Variants in ZNF365 observed in about 807,000 individuals in gnomAD.
ZNF365 encodes the protein protein ZNF365.
ZNF365 carries 22 observed loss-of-function variants against 35.0 expected under a neutral mutation model. The ratio of observed to expected loss-of-function variants is 0.63; its 90% CI spans 0.45 to 0.90. The LOEUF is 0.90. Among genes scored for constraint, ZNF365 ranks in the 40% least tolerant of loss-of-function variants. The pLI, the probability that ZNF365 is intolerant of heterozygous loss-of-function variation, is 0.00. For synonymous variants in ZNF365, 188 were observed against 196.2 expected, an observed-to-expected ratio of 0.96 and a Z score of 0.35; for missense variants, 448 against 500.3, an observed-to-expected ratio of 0.90 and a Z score of 1.00.
In ZNF365 at chr10:62,396,439, G is replaced by C. The variant is rs559908005; in HGVS notation, c.925-2301G>C. 1.1e-4 allele frequency among the ~76,000 whole-genome samples: 16 copies of C among 152,310 alleles called. No individual in the cohort carries two copies. The East Asian group carries it at 1.7e-3, about 17-fold the overall frequency. ...ATGATGCTTACCTCCTAGGGCTGCT[G>C]TGAGGGTTAATTCTGCCTGTTCTGT... On this transcript the variant is annotated intron_variant, in intron 3 of 4. Transcript: ENST00000395254.
chr10:62,461,518 C>G (rs1420716172), intron 4 of ZNF365, among the ~76,000 whole-genome samples: 1 of 152,190 alleles, frequency 6.6e-6, no homozygotes, highest in African/African-American at 2.4e-5. Context: ...CTTTCCTGAC[C>G]GTGTTCCGCA....
chr10:62,406,276 A>G (rs1589439290), downstream of ZNF365, among the ~76,000 whole-genome samples: 1 of 151,986 alleles, frequency 6.6e-6, no homozygotes, highest in East Asian at 1.9e-4. Context: ...TTTTTCATCT[A>G]GTTAATTTCT....
rs79894933 is a variant in ZNF365, at chr10:62,384,107, CTT to C, written c.744-4275_744-4274del. 7.3e-3 allele frequency among the ~76,000 whole-genome samples: 1,052 copies of C among 144,064 alleles called. 7 individuals are homozygous for C. The highest frequency in any genetic ancestry group is 7.0e-3 in the East Asian group (35 of 5,008). The allele number at this position is 144,064 out of a possible 152,430, so 94.5% of individuals were successfully genotyped here. A position where few individuals can be genotyped will look rare whatever the true frequency, so the allele number is the denominator to read the frequency against. The stretch of plus-strand genomic sequence containing the variant: ...AACCTCTGATTTAATAATATTTGGC[CTT>C]TTTTTTTTTTTTTAAATAAAGAAGA... On this transcript the variant is annotated intron_variant, in intron 2 of 4. Coordinates refer to ENST00000395254, the MANE Select transcript of ZNF365 (RefSeq NM_014951.3).
intron 1 of ZNF365, among the ~76,000 whole-genome samples, chr10:62,375,259 G>A (rs186783627): frequency 4.5e-4 from 68 of 152,254 alleles, no homozygotes; most frequent in Admixed American, 6.5e-5. Context: ...TATTAAGAGA[G>A]TATGCTGATA....
At position 62,376,582 on chromosome 10, in the gene ZNF365, C is replaced by T. The variant is rs773293397; in HGVS notation, c.389C>T (p.Thr130Ile). 6.2e-7 allele frequency: 1 copy of T among 1,614,142 alleles called. No individual in the cohort carries two copies. The highest frequency in any genetic ancestry group is 8.5e-7 in the Non-Finnish European group (1 of 1,180,036). The change falls in exon 2 of 5, where the codon ACT becomes ATT. Residue 130 changes from threonine (T) to isoleucine (I), a missense_variant. By Grantham distance (89) the Thr-to-Ile change is moderately conservative. Coordinates refer to ENST00000395254, the MANE Select transcript of ZNF365 (RefSeq NM_014951.3). ...CCTGTGTCCTATGTGCAGACCTACA[C>T]TGCCATGGACCTCCATGCAGACTCG... Reference protein sequence around the residue: ...ERPVSYVQTYTAMDLHADSLD... With the variant: ...ERPVSYVQTYIAMDLHADSLD...
chr10:62,402,229 T>C lies in ZNF365; in HGVS notation c.*2440T>C, dbSNP rs932492437. On this transcript the variant is annotated 3_prime_UTR_variant, in exon 5 of 5. Transcript: ENST00000395254. ...GAGAGTAGATTTAATTTTATTTGTC[T>C]TGTAGGGAAGAAATCTTCCTTTGAA... 1 of 985,980 alleles carries C rather than the reference T, an allele frequency of 1.0e-6. No homozygotes were observed. The allele number at this position is 985,980 out of a possible 1,614,324, so 61.1% of individuals were successfully genotyped here. A position where few individuals can be genotyped will look rare whatever the true frequency, so the allele number is the denominator to read the frequency against.
chr10:62,402,212 A>G lies in ZNF365; in HGVS notation c.*2423A>G. The G allele has an allele frequency of 1.0e-6, 1 of 985,942 alleles. No homozygotes were observed. The highest frequency in any genetic ancestry group is 1.2e-6 in the Non-Finnish European group (1 of 829,910). 61.1% of individuals were successfully genotyped at this position (985,942 alleles called of 1,614,324 possible). On this transcript the variant is annotated 3_prime_UTR_variant, in exon 5 of 5. Transcript: ENST00000395254. ...TGTTCAAGGTTGAAATGGAGAGTAG[A>G]TTTAATTTTATTTGTCTTGTAGGGA...
intron 4 of ZNF365, among the ~76,000 whole-genome samples, chr10:62,472,586 C>A (rs1375102649): frequency 2.0e-5 from 3 of 152,164 alleles, no homozygotes; most frequent in Non-Finnish European, 4.4e-5. Context: ...TGTGACAGAG[C>A]CTTTCCTAGT....
exon 5 of ZNF365, chr10:62,480,175 G>A: frequency 1.7e-6 from 2 of 1,185,200 alleles, no homozygotes; most frequent in Non-Finnish European, 1.0e-6. Context: ...ACCCATCATA[G>A]CAAGTAGAAG....
At chr10:62,388,271 C>A in intron 2 of ZNF365, 125 bp from the exon 3 acceptor site, 1 of 959,714 alleles carries the variant, frequency 1.0e-6, no homozygotes, top group Non-Finnish European at 1.6e-6. Flanking sequence ...CCTCTCTCGT[C>A]ATTGCCATGG....
intron 4 of ZNF365, 111 bp from the exon 5 acceptor site, chr10:62,399,417 C>T: frequency 6.8e-7 from 1 of 1,463,018 alleles, no homozygotes; most frequent in Non-Finnish European, 9.2e-7. Flanking sequence ...GCATTATCAC[C>T]ACTGTAGCAT....
At chr10:62,406,204 G>A (rs1372277716), downstream of ZNF365, among the ~76,000 whole-genome samples, 1 of 152,146 alleles carries the variant, frequency 6.6e-6, no homozygotes, top group African/African-American at 2.4e-5. Flanking sequence ...AGAGAGAGCA[G>A]AGCTCTCTCC....
intron 3 of ZNF365, among the ~76,000 whole-genome samples, chr10:62,440,314 G>T (rs374895401): frequency 0.083 from 1,082 of 13,110 alleles, 17 homozygotes; most frequent in African/African-American, 0.28. Context: ...TGGGTCACGG[G>T]ATGGGGGGTT....
At chr10:62,378,062 A>G (rs974646667) in intron 2 of ZNF365, among the ~76,000 whole-genome samples, 1 of 152,168 alleles carries the variant, frequency 6.6e-6, no homozygotes, top group Admixed American at 6.5e-5. Context: ...CAGGCGAGAC[A>G]TTTTTTAAAT....
intron 3 of ZNF365, among the ~76,000 whole-genome samples, chr10:62,424,681 A>G (rs1840224492): frequency 6.6e-6 from 1 of 152,206 alleles, no homozygotes; most frequent in South Asian, 2.1e-4. Context: ...TGATATAACC[A>G]AAGTCTGGGA....
chr10:62,453,605 G>T (rs1467203853), intron 3 of ZNF365, among the ~76,000 whole-genome samples: 2 of 152,152 alleles, frequency 1.3e-5, no homozygotes, highest in East Asian at 3.9e-4. Context: ...GTGGGTGTAG[G>T]TACTTTTTTT....
chr10:62,467,945 A>T (rs1190428128), intron 4 of ZNF365, among the ~76,000 whole-genome samples: 1 of 152,182 alleles, frequency 6.6e-6, no homozygotes, highest in Non-Finnish European at 1.5e-5. Context: ...ATATAAGCTC[A>T]GGAGCAGAAT....
intron 2 of ZNF365, among the ~76,000 whole-genome samples, chr10:62,382,994 G>A (rs563120745): frequency 1.9e-4 from 29 of 152,254 alleles, no homozygotes; most frequent in African/African-American, 5.8e-4. Context: ...TAGAAGAGAG[G>A]CATCAGTTTT....
At chr10:62,404,985 C>T (rs529027995), downstream of ZNF365, among the ~76,000 whole-genome samples, 4 of 152,308 alleles carry the variant, frequency 2.6e-5, no homozygotes, top group Non-Finnish European at 4.4e-5. Flanking sequence ...ATTTTCTACT[C>T]TCAGCAGGTG....
Sources: allele counts gnomAD v4.1 joint callset (sites outside exome capture counted in the v4.1 genomes callset), GRCh38; gene constraint gnomAD v4.1.1; transcripts MANE v1.5; gene names NCBI Gene and HGNC (gene_info 2026-07-23, HGNC 2026-07-21).